The following PPFIA4 variants were observed in gnomAD, a reference collection of about 807,000 sequenced individuals.
The protein encoded by PPFIA4 is liprin-alpha-4.
Under a neutral mutation model 145.7 loss-of-function variants are expected in PPFIA4, and 98 were observed. That is an observed-to-expected ratio of 0.67 (90% CI 0.57 to 0.80). The LOEUF is 0.80. Among genes scored for constraint, PPFIA4 ranks in the 30% least tolerant of loss-of-function variants. PPFIA4 has a pLI of 0.00. For synonymous variants in PPFIA4, 628 were observed against 649.6 expected, an observed-to-expected ratio of 0.97 and a Z score of 0.51; for missense variants, 1,457 against 1,632.7, an observed-to-expected ratio of 0.89 and a Z score of 1.85.
At chr1:203,039,344 A>G (rs1053297025) in intron 2 of PPFIA4, 102 bp downstream of exon 2, 1 of 856,938 alleles carries the variant, frequency 1.2e-6, no homozygotes, top group Admixed American at 3.2e-5. Flanking sequence ...GCATATCAAT[A>G]ATTGGAATTC....
chr1:203,053,624 G>T, intron 14 of PPFIA4, 129 bp from the exon 15 acceptor site: 2 of 745,032 alleles, frequency 2.7e-6, no homozygotes, highest in Non-Finnish European at 4.5e-6. Flanking sequence ...TGGTGGTGCG[G>T]CCTGAGATTC....
At chr1:203,058,592 G>A (rs1047302739) in intron 19 of PPFIA4, among the ~76,000 whole-genome samples, 4 of 152,196 alleles carry the variant, frequency 2.6e-5, no homozygotes, top group Admixed American at 6.5e-5. Context: ...TGCACTGTGG[G>A]GGGGTGACCG....
intron 27 of PPFIA4, among the ~76,000 whole-genome samples, chr1:203,070,531 A>C (rs2102692301): frequency 6.9e-6 from 1 of 144,500 alleles, no homozygotes; most frequent in Non-Finnish European, 1.5e-5. Flanking sequence ...GCAGTGAGCC[A>C]TGATTGTGCC....
intron 29 of PPFIA4, chr1:203,076,031 C>G (rs865775196): frequency 1.7e-6 from 1 of 583,118 alleles, no homozygotes; most frequent in Non-Finnish European, 3.0e-6. Flanking sequence ...TGCTGACCCC[C>G]CATCCTCCCG....
At chr1:203,042,750 C>T (rs1659789406) in intron 2 of PPFIA4, among the ~76,000 whole-genome samples, 1 of 151,222 alleles carries the variant, frequency 6.6e-6, no homozygotes, top group Admixed American at 6.6e-5. Flanking sequence ...GATTCTCCTG[C>T]CTCAGCCTCT....
intron 14 of PPFIA4, 137 bp from the exon 15 acceptor site, chr1:203,053,616 G>A (rs1253063748): frequency 9.9e-6 from 7 of 705,856 alleles, no homozygotes; most frequent in Non-Finnish European, 1.7e-5. Context: ...AGTAGGTCTG[G>A]TGGTGCGGCC....
Position 203,044,360 on chromosome 1 carries a change from C to T in PPFIA4, c.502-19C>T, listed in dbSNP as rs1434957952. ...GTGGGGTCCCCCTTTCTTCCTCCAT[C>T]TCCCCTTACCTCGAGCAGGTGCGAG... On this transcript the variant is annotated intron_variant, in intron 4 of 29. Coordinates refer to ENST00000295706, the MANE Select transcript of PPFIA4 (RefSeq NM_001304331.2). 1.9e-6 allele frequency: 3 copies of T among 1,549,176 alleles called. No individual in the cohort carries two copies. Among genetic ancestry groups the T allele is most frequent in the African/African-American group, 2.7e-5 (2 of 73,036 alleles).
At chr1:203,041,104 A>G (rs1221800006) in intron 2 of PPFIA4, among the ~76,000 whole-genome samples, 2 of 152,162 alleles carry the variant, frequency 1.3e-5, no homozygotes, top group African/African-American at 4.8e-5. Context: ...ATCCTTTGAG[A>G]TGGGCTTTGA....
Position 203,056,928 on chromosome 1 carries a change from T to A in PPFIA4, c.2385T>A (p.Ser795Arg). 6.2e-7 allele frequency: 1 copy of A among 1,613,992 alleles called. No homozygotes were observed. Among genetic ancestry groups the A allele is most frequent in the Non-Finnish European group, 8.5e-7 (1 of 1,179,896 alleles). ...AGAAGGGCAGGCTGATCCAGCTGAG[T>A]CGGGATGGAGCCACAGGCCATGGTC... is the stretch of plus-strand genomic sequence containing the variant. Reference protein sequence around the residue: ...KKEKGRLIQLSRDGATGHVLL... With the variant: ...KKEKGRLIQLRRDGATGHVLL... The change falls in exon 19 of 30, where the codon AGT becomes AGA. Residue 795 changes from serine (S) to arginine (R), a missense_variant. Ser to Arg is a moderately radical substitution (Grantham distance 110, BLOSUM62 -1). Coordinates refer to ENST00000295706, the MANE Select transcript of PPFIA4 (RefSeq NM_001304331.2).
rs1662487263 is a variant in PPFIA4, at chr1:203,075,738, AAAG to A, written c.3560_3562del (p.Lys1187del). The A allele has an allele frequency of 4.4e-6, 6 of 1,377,820 alleles. No homozygotes were observed. The highest frequency in any genetic ancestry group is 5.7e-6 in the Non-Finnish European group (6 of 1,059,602). 85.3% of individuals were successfully genotyped at this position (1,377,820 alleles called of 1,614,324 possible). The stretch of plus-strand genomic sequence containing the variant: ...CCCTGCAGCCCCCACCGGCCCCGCC[AAAG>A]AAGATCATGCCTGAAGGTGAGTAAC... On this transcript the variant is annotated inframe_deletion, in exon 29 of 30. Coordinates refer to ENST00000295706, the MANE Select transcript of PPFIA4 (RefSeq NM_001304331.2). This position sits in a 1 kb window ranked among gnomAD's most constrained non-coding sequence, Gnocchi z 4.1.
chr1:203,059,831 A>C lies in PPFIA4; in HGVS notation c.2563A>C (p.Thr855Pro). The C allele has an allele frequency of 6.2e-7, 1 of 1,612,566 alleles. No homozygotes were observed. The highest frequency in any genetic ancestry group is 8.5e-7 in the Non-Finnish European group (1 of 1,179,306). ...GMPFAQWDGP[T>P]VVSWLELWVG... Reference sequence around the variant, plus strand: ...GCCCTTTGCCCAGTGGGATGGTCCTACTGTGGTCTCCTGGTTGGAGGTAAG... The same window carrying C: ...GCCCTTTGCCCAGTGGGATGGTCCTCCTGTGGTCTCCTGGTTGGAGGTAAG... Residue 855 changes from threonine (T) to proline (P), a missense_variant, in exon 21 of 30, where the codon ACT becomes CCT. This residue lies in a region of PPFIA4 where 848 missense variants were observed against 1,046.7 expected (regional missense o/e 0.81). Coordinates refer to ENST00000295706, the MANE Select transcript of PPFIA4 (RefSeq NM_001304331.2).
Position 203,048,704 on chromosome 1 carries a change from TGGA to T in PPFIA4, c.1351_1353del (p.Glu451del). ...CACCTGAAGGAGCGCATGGCTGCCC[TGGA>T]GGAGAAGGTGCCCAGAGGGGCGGGG... is the stretch of plus-strand genomic sequence containing the variant. On this transcript the variant is annotated inframe_deletion, in exon 11 of 30. Coordinates refer to ENST00000295706, the MANE Select transcript of PPFIA4 (RefSeq NM_001304331.2). The surrounding 1 kb of genome is among the most constrained non-coding windows in gnomAD (Gnocchi z 5.8). The T allele has an allele frequency of 6.3e-7, 1 of 1,581,014 alleles. No homozygotes were observed. Among genetic ancestry groups the T allele is most frequent in the Non-Finnish European group, 8.6e-7 (1 of 1,169,218 alleles).
At chr1:203,059,292 T>A (rs1170845919) in intron 20 of PPFIA4, 21 bp downstream of exon 20, 1 of 1,474,796 alleles carries the variant, frequency 6.8e-7, no homozygotes, top group Non-Finnish European at 9.3e-7. Flanking sequence ...CAGGCCAGGG[T>A]CTGCCAGGGT....
intron 1 of PPFIA4, among the ~76,000 whole-genome samples, chr1:203,035,022 C>T (rs182326410): frequency 1.3e-5 from 2 of 152,362 alleles, no homozygotes; most frequent in African/African-American, 2.4e-5. Flanking sequence ...TTAATCCATA[C>T]CACTTGGAAG....
chr1:203,056,569 C>CT, intron 18 of PPFIA4, 61 bp downstream of exon 18: 1 of 1,577,128 alleles, frequency 6.3e-7, no homozygotes. Context: ...CTCCCTTCCT[C>CT]TGCCTCTGCA....
intron 1 of PPFIA4, among the ~76,000 whole-genome samples, chr1:203,027,533 C>T (rs961557919): frequency 1.1e-4 from 17 of 152,092 alleles, no homozygotes; most frequent in African/African-American, 4.1e-4. Context: ...GTGTGGAGAG[C>T]AAGTGGTTAA....
chr1:203,045,092 C>T (rs536189467), intron 6 of PPFIA4, among the ~76,000 whole-genome samples: 1 of 152,284 alleles, frequency 6.6e-6, no homozygotes, highest in African/African-American at 2.4e-5. Flanking sequence ...TTCCCCCAGT[C>T]ACGCCCCTTT....
Position 203,043,825 on chromosome 1 carries a change from G to C in PPFIA4, c.337-106G>C, listed in dbSNP as rs116272192. ...AGTATTTCAGTGTTTTCACAGTGGG[G>C]TGGCTGTAACTCATGTCTGCTCGGG... On this transcript the variant is annotated intron_variant, in intron 3 of 29. Transcript: ENST00000295706. This position sits in a 1 kb window ranked among gnomAD's most constrained non-coding sequence, Gnocchi z 4.4. 7,140 of 1,139,550 alleles carry C rather than the reference G, an allele frequency of 6.3e-3. 300 individuals carry two copies. In the African/African-American group the frequency reaches 0.097, roughly 15 times the overall value. The allele number at this position is 1,139,550 out of a possible 1,614,324, so 70.6% of individuals were successfully genotyped here. A position where few individuals can be genotyped will look rare whatever the true frequency, so the allele number is the denominator to read the frequency against.
intron 1 of PPFIA4, among the ~76,000 whole-genome samples, chr1:203,037,929 G>A (rs1172489548): frequency 6.6e-6 from 1 of 152,152 alleles, no homozygotes; most frequent in East Asian, 1.9e-4. Flanking sequence ...CTAGGCCTGC[G>A]TGCTGTCCTC....
Sources: allele counts gnomAD v4.1 joint callset (sites outside exome capture counted in the v4.1 genomes callset), GRCh38; gene constraint gnomAD v4.1.1; regional missense constraint gnomAD v4.1.1; non-coding constraint Gnocchi (gnomAD v3.1); transcripts MANE v1.5; gene names NCBI Gene and HGNC (gene_info 2026-07-23, HGNC 2026-07-21).